The following ZC3HAV1 variants were observed in gnomAD, a reference collection of about 807,000 sequenced individuals.
The protein encoded by ZC3HAV1 is zinc finger CCCH-type containing, antiviral 1.
Under a neutral mutation model 86.6 loss-of-function variants are expected in ZC3HAV1, and 41 were observed. The observed-to-expected ratio is 0.47, with a 90% CI of 0.37 to 0.61. The LOEUF (loss-of-function observed/expected upper bound fraction) is 0.61. ZC3HAV1 is among the 20% of genes least tolerant of loss of function. ZC3HAV1 has a pLI of 0.00. For synonymous variants in ZC3HAV1, 421 were observed against 432.1 expected, an observed-to-expected ratio of 0.97 and a Z score of 0.32; for missense variants, 964 against 1,141.1, an observed-to-expected ratio of 0.84 and a Z score of 2.24.
intron 1 of ZC3HAV1, among the ~76,000 whole-genome samples, chr7:139,097,401 C>CATATATATAT (rs1183885767): frequency 2.7e-4 from 17 of 63,848 alleles, no homozygotes; most frequent in African/African-American, 1.1e-3. Context: ...ATTGGAACTC[C>CATATATATAT]ATATATATAT....
chr7:139,070,580 C>T (rs1337974510), intron 7 of ZC3HAV1, among the ~76,000 whole-genome samples: 5 of 146,798 alleles, frequency 3.4e-5, no homozygotes, highest in Non-Finnish European at 5.9e-5. Context: ...AGGAGAATGG[C>T]GTGAACACGG....
chr7:139,079,881 T>C lies in ZC3HAV1; in HGVS notation c.1060A>G (p.Thr354Ala). Residue 354 changes from threonine to alanine, a missense_variant, in exon 4 of 13, where the codon ACA becomes GCA. Coordinates refer to ENST00000242351, the MANE Select transcript of ZC3HAV1 (RefSeq NM_020119.4). ...PGSTYLASNS[T>A]SAPNWKSLTS... ...AGGCTCTTCCAGTTGGGGGCTGATG[T>C]TGAATTGGAAGCAAGGTAAGTGCTG... 6.2e-7 allele frequency: 1 copy of C among 1,614,156 alleles called. No individual in the cohort carries two copies.
chr7:139,054,936 T>C (rs1448355276), intron 10 of ZC3HAV1, among the ~76,000 whole-genome samples: 4 of 152,126 alleles, frequency 2.6e-5, no homozygotes, highest in African/African-American at 9.7e-5. Context: ...TACAGGCTCA[T>C]GCCGCCATGC....
chr7:139,107,684 T>C (rs1043725456), intron 1 of ZC3HAV1, among the ~76,000 whole-genome samples: 2 of 152,186 alleles, frequency 1.3e-5, no homozygotes, highest in African/African-American at 2.4e-5. Flanking sequence ...ATGCCTGTAA[T>C]CCCAGCTACT....
intron 7 of ZC3HAV1, among the ~76,000 whole-genome samples, chr7:139,070,348 G>A (rs1224404193): frequency 6.6e-6 from 1 of 152,100 alleles, no homozygotes; most frequent in Non-Finnish European, 1.5e-5. Flanking sequence ...CAGACTAAAT[G>A]TCCCAGCGAG....
rs749796806 is a variant in ZC3HAV1 at position 139,055,199 on chromosome 7, A to C, written c.2187+6T>G. 1 of 1,611,398 alleles carries C rather than the reference A, an allele frequency of 6.2e-7. No individual in the cohort carries two copies. Among genetic ancestry groups the C allele is most frequent in the Admixed American group, 1.7e-5 (1 of 59,842 alleles). ...ACTCATCCACCAAACATGTAAAACCAAGTACCTTATATTTCTTTGAGGATA... is the reference window on the plus strand; with the variant it reads ...ACTCATCCACCAAACATGTAAAACCCAGTACCTTATATTTCTTTGAGGATA... On this transcript the variant is annotated splice_donor_region_variant and intron_variant, in intron 10 of 12. Transcript: ENST00000242351.
chr7:139,053,877 T>C, intron 11 of ZC3HAV1, 88 bp downstream of exon 11: 2 of 1,379,836 alleles, frequency 1.4e-6, no homozygotes, highest in Middle Eastern at 2.5e-4. Context: ...ACTACTAAAA[T>C]AAATCAGTGA....
intron 8 of ZC3HAV1, among the ~76,000 whole-genome samples, chr7:139,063,027 CAAAAAAAAAAAAAA>C (rs58859916): frequency 1.5e-5 from 1 of 68,102 alleles, no homozygotes; most frequent in Non-Finnish European, 2.8e-5. Flanking sequence ...GACTCTGTCT[CAAAAAAAAAAAAAA>C]AAAAAAAAAA....
chr7:139,097,686 G>A (rs775024295), intron 1 of ZC3HAV1, among the ~76,000 whole-genome samples: 2 of 151,254 alleles, frequency 1.3e-5, no homozygotes, highest in Non-Finnish European at 2.9e-5. Context: ...CGCTCGCCTC[G>A]GCCTCCTAAA....
intron 2 of ZC3HAV1, among the ~76,000 whole-genome samples, chr7:139,084,684 C>G (rs903726571): frequency 9.9e-5 from 15 of 152,204 alleles, no homozygotes; most frequent in Non-Finnish European, 2.1e-4. Context: ...GCCTCCGTTT[C>G]CTTTGCTGTA....
intron 2 of ZC3HAV1, among the ~76,000 whole-genome samples, chr7:139,086,000 G>C (rs1033511798): frequency 6.6e-6 from 1 of 150,988 alleles, no homozygotes; most frequent in Non-Finnish European, 1.5e-5. Context: ...GACAGAGTGA[G>C]ACTCCATCTC....
chr7:139,107,234 G>A (rs1044139042), intron 1 of ZC3HAV1, among the ~76,000 whole-genome samples: 1 of 152,146 alleles, frequency 6.6e-6, no homozygotes, highest in Admixed American at 6.5e-5. Flanking sequence ...CAATGACTTA[G>A]ATGATTTCCT....
chr7:139,088,604 G>C (rs1163146722), intron 2 of ZC3HAV1, among the ~76,000 whole-genome samples: 1 of 152,154 alleles, frequency 6.6e-6, no homozygotes, highest in East Asian at 1.9e-4. Flanking sequence ...ACATCATTGA[G>C]TCTAGCTGCC....
intron 1 of ZC3HAV1, among the ~76,000 whole-genome samples, chr7:139,103,625 C>CT (rs1397616819): frequency 6.6e-6 from 1 of 152,102 alleles, no homozygotes; most frequent in African/African-American, 2.4e-5. Flanking sequence ...ATTCCACTTC[C>CT]TAATGATCTA....
intron 10 of ZC3HAV1, 69 bp from the exon 11 acceptor site, chr7:139,054,164 GC>G (rs753849299): frequency 3.6e-6 from 5 of 1,403,138 alleles, no homozygotes; most frequent in South Asian, 3.0e-5. Flanking sequence ...CCACATATGT[GC>G]CCCCTTATGC....
chr7:139,088,527 GTACAC>G (rs1267500910), intron 2 of ZC3HAV1, among the ~76,000 whole-genome samples: 1 of 152,124 alleles, frequency 6.6e-6, no homozygotes, highest in Non-Finnish European at 1.5e-5. Flanking sequence ...CAGACTCATT[GTACAC>G]AGAGACGGAA....
At chr7:139,063,981 G>C (rs979980940) in intron 8 of ZC3HAV1, among the ~76,000 whole-genome samples, 1 of 152,168 alleles carries the variant, frequency 6.6e-6, no homozygotes, top group African/African-American at 2.4e-5. Flanking sequence ...TATGCCTATA[G>C]CTTTTCTCCC....
At chr7:139,053,881 T>C (rs938854815) in intron 11 of ZC3HAV1, 84 bp downstream of exon 11, 1 of 1,391,668 alleles carries the variant, frequency 7.2e-7, no homozygotes, top group Non-Finnish European at 9.5e-7. Flanking sequence ...CTAAAATAAA[T>C]CAGTGAATAT....
intron 2 of ZC3HAV1, among the ~76,000 whole-genome samples, chr7:139,084,735 G>T (rs141146950): frequency 6.2e-4 from 95 of 152,320 alleles, no homozygotes; most frequent in Admixed American, 1.9e-3. Context: ...AAACCAAGTT[G>T]TTAAGCAGAC....
Sources: allele counts gnomAD v4.1 joint callset (sites outside exome capture counted in the v4.1 genomes callset), GRCh38; gene constraint gnomAD v4.1.1; transcripts MANE v1.5; gene names NCBI Gene and HGNC (gene_info 2026-07-23, HGNC 2026-07-21).